Variants in PRKD1 observed in about 807,000 individuals in gnomAD.
The protein encoded by PRKD1 is protein kinase D1, also known as serine/threonine-protein kinase D1.
PRKD1 carries 63 observed loss-of-function variants against 95.9 expected under a neutral mutation model. That is an observed-to-expected ratio of 0.66 (90% confidence interval 0.54 to 0.81). The LOEUF (loss-of-function observed/expected upper bound fraction) is 0.81, where lower values mean the gene tolerates loss of function less well. Ranked by LOEUF, PRKD1 falls within the 30% of genes least tolerant of loss-of-function variation. The pLI, the probability that PRKD1 is intolerant of heterozygous loss-of-function variation, is 0.00. For synonymous variants in PRKD1, 425 were observed against 423.1 expected (o/e 1.00, Z -0.05); for missense variants, 1,048 against 1,165.3 (o/e 0.90, Z 1.47).
intron 16 of PRKD1, among the ~76,000 whole-genome samples, chr14:29,586,735 G>C (rs908297110): frequency 6.6e-6 from 1 of 152,072 alleles, no homozygotes; most frequent in African/African-American, 2.4e-5. Flanking sequence ...TCTGCCTCCA[G>C]GGTTCAAGCA....
Position 29,870,629 on chromosome 14 carries a change from C to T in PRKD1, c.264+56620G>A, listed in dbSNP as rs188299586. Among the ~76,000 whole-genome samples the T allele has an allele frequency of 2.0e-3, 298 of 152,286 alleles. 1 individual carries two copies. Among genetic ancestry groups the T allele is most frequent in the Middle Eastern group, 0.01 (3 of 294 alleles). ...ATTCCTTTCATTTGCTTTGTAATAACCCCTGAAGAAATGTTAAGAATTATT... is the reference window on the plus strand; with the variant it reads ...ATTCCTTTCATTTGCTTTGTAATAATCCCTGAAGAAATGTTAAGAATTATT... On this transcript the variant is annotated intron_variant, in intron 1 of 17. Coordinates refer to ENST00000331968, the MANE Select transcript of PRKD1 (RefSeq NM_002742.3).
chr14:29,663,785 G>A lies in PRKD1; in HGVS notation c.610C>T (p.Leu204Phe). The change falls in exon 4 of 18, where the codon CTC (leucine) becomes TTC (phenylalanine). Residue 204 changes from leucine (L) to phenylalanine (F), a missense_variant. By Grantham distance (22) the Leu-to-Phe change is conservative. Transcript: ENST00000331968. ...NNCSGVRRRRLSNVSLTGVST... is the reference protein window; with the variant it reads ...NNCSGVRRRRFSNVSLTGVST... ...ACCCCAGTGAGGGAAACGTTTGAGA[G>A]CCTTCTCCGCCTCACACCGCTGCAA... The A allele has an allele frequency of 2.5e-6, 4 of 1,614,026 alleles. No homozygotes were observed. The highest frequency in any genetic ancestry group is 2.5e-6 in the Non-Finnish European group (3 of 1,179,936).
intron 2 of PRKD1, among the ~76,000 whole-genome samples, chr14:29,692,300 A>G (rs905038620): frequency 1.3e-5 from 2 of 151,822 alleles, no homozygotes; most frequent in African/African-American, 4.8e-5. Context: ...CACCTGTTGG[A>G]TGATTCCATT....
intron 1 of PRKD1, among the ~76,000 whole-genome samples, chr14:29,822,042 C>G (rs966234173): frequency 6.6e-6 from 1 of 152,134 alleles, no homozygotes; most frequent in Non-Finnish European, 1.5e-5. Context: ...GGTTTTACAA[C>G]TAACTCCATG....
chr14:29,906,094 A>T (rs908138069), intron 1 of PRKD1, among the ~76,000 whole-genome samples: 3 of 152,206 alleles, frequency 2.0e-5, no homozygotes, highest in African/African-American at 7.2e-5. Flanking sequence ...AAACCCTTTT[A>T]AAAATCCCAG....
At chr14:29,827,237 T>TA (rs1891234681) in intron 1 of PRKD1, among the ~76,000 whole-genome samples, 1 of 151,968 alleles carries the variant, frequency 6.6e-6, no homozygotes, top group Non-Finnish European at 1.5e-5. Context: ...TAATTTTTTT[T>TA]AAAAAAGACA....
At chr14:29,837,980 T>C (rs1299045514) in intron 1 of PRKD1, among the ~76,000 whole-genome samples, 1 of 152,320 alleles carries the variant, frequency 6.6e-6, no homozygotes, top group East Asian at 1.9e-4. Context: ...GAAAATACTG[T>C]TCCTTCATTG....
At chr14:29,634,884 A>T (rs1401498450) in intron 7 of PRKD1, among the ~76,000 whole-genome samples, 1 of 152,058 alleles carries the variant, frequency 6.6e-6, no homozygotes, top group Non-Finnish European at 1.5e-5. Context: ...GTACAAAAAA[A>T]ATCAGCTGGG....
At chr14:29,694,381 G>C (rs960379454) in intron 2 of PRKD1, among the ~76,000 whole-genome samples, 14 of 152,140 alleles carry the variant, frequency 9.2e-5, no homozygotes, top group African/African-American at 3.4e-4. Flanking sequence ...AGATAGAAAA[G>C]ACTTTGCTTA....
At chr14:29,764,014 C>T (rs867980243) in intron 1 of PRKD1, among the ~76,000 whole-genome samples, 20 of 152,138 alleles carry the variant, frequency 1.3e-4, no homozygotes, top group African/African-American at 4.1e-4. Flanking sequence ...CATGTACATA[C>T]GTAAGTGTGT....
intron 2 of PRKD1, among the ~76,000 whole-genome samples, chr14:29,671,699 T>C (rs967671702): frequency 3.9e-5 from 6 of 152,126 alleles, no homozygotes; most frequent in African/African-American, 1.4e-4. Context: ...TAGGCCCAAA[T>C]GAATTATAGA....
chr14:29,699,535 CAT>C (rs1884718902), intron 2 of PRKD1, among the ~76,000 whole-genome samples: 1 of 152,036 alleles, frequency 6.6e-6, no homozygotes, highest in Admixed American at 6.5e-5. Flanking sequence ...AATGAGGCTC[CAT>C]GTGTATCTTA....
chr14:29,614,060 T>G (rs750314141), intron 13 of PRKD1, among the ~76,000 whole-genome samples: 1 of 152,208 alleles, frequency 6.6e-6, no homozygotes, highest in African/African-American at 2.4e-5. Context: ...CTGAAAATTT[T>G]CCATCCCCAA....
chr14:29,853,202 A>G (rs1350799141), intron 1 of PRKD1, among the ~76,000 whole-genome samples: 1 of 152,246 alleles, frequency 6.6e-6, no homozygotes. Context: ...ATAAATGTTC[A>G]TACACCTAAT....
chr14:29,590,771 TC>T, intron 16 of PRKD1, among the ~76,000 whole-genome samples: 1 of 152,258 alleles, frequency 6.6e-6, no homozygotes, highest in East Asian at 1.9e-4. Context: ...GATTCTCTTT[TC>T]CTACATTCCT....
intron 13 of PRKD1, among the ~76,000 whole-genome samples, chr14:29,609,714 A>ATT (rs61293890): frequency 0.044 from 5,795 of 131,924 alleles, 354 homozygotes; most frequent in South Asian, 0.15. Context: ...CTATTTCTTT[A>ATT]TTTTTTTTTT....
At chr14:29,732,379 A>G (rs1409046038) in intron 1 of PRKD1, among the ~76,000 whole-genome samples, 1 of 151,770 alleles carries the variant, frequency 6.6e-6, no homozygotes, top group Non-Finnish European at 1.5e-5. Flanking sequence ...TTTCACACAC[A>G]ATGACCTTAA....
chr14:29,880,172 C>T (rs1893450106), intron 1 of PRKD1, among the ~76,000 whole-genome samples: 1 of 152,158 alleles, frequency 6.6e-6, no homozygotes, highest in South Asian at 2.1e-4. Flanking sequence ...CATGGCAGCC[C>T]CTCCCATCAC....
chr14:29,863,263 TTTAA>T (rs1369599517), intron 1 of PRKD1, among the ~76,000 whole-genome samples: 3 of 152,210 alleles, frequency 2.0e-5, no homozygotes, highest in African/African-American at 7.2e-5. Flanking sequence ...CTCTTTGTCT[TTTAA>T]TTAATAAGGT....
Sources: allele counts gnomAD v4.1 joint callset (sites outside exome capture counted in the v4.1 genomes callset), GRCh38; gene constraint gnomAD v4.1.1; transcripts MANE v1.5; gene names NCBI Gene and HGNC (gene_info 2026-07-23, HGNC 2026-07-21).